Variants in DENND1B observed in about 807,000 individuals in gnomAD.
DENND1B encodes the protein DENN domain-containing protein 1B.
Under a neutral mutation model 90.1 loss-of-function variants are expected in DENND1B, and 59 were observed. The ratio of observed to expected loss-of-function variants is 0.65; its 90% CI spans 0.53 to 0.81. The LOEUF is 0.81. Among genes scored for constraint, DENND1B ranks in the 40% least tolerant of loss-of-function variants. The probability of loss-of-function intolerance (pLI) is 0.00; values close to 1 mark genes in which losing one functional copy is unlikely to be tolerated. For missense variants in DENND1B, 862 were observed against 912.6 expected, an observed-to-expected ratio of 0.94 and a Z score of 0.71; for synonymous variants, 337 against 324.6, an observed-to-expected ratio of 1.04 and a Z score of -0.41.
intron 15 of DENND1B, 71 bp downstream of exon 15, chr1:197,583,081 T>C: frequency 7.1e-7 from 1 of 1,400,482 alleles, no homozygotes; most frequent in Non-Finnish European, 1.0e-6. Flanking sequence ...GTACATAGTT[T>C]TATAGTAATA....
rs77167478 is a variant in DENND1B, at chr1:197,749,459, A to C, written c.82+23409T>G. The stretch of plus-strand genomic sequence containing the variant: ...GATTAAAAACTTCTGCTTAGGTATC[A>C]TCAAAAACTATGCAAGCCAGAAGAC... On this transcript the variant is annotated intron_variant, in intron 2 of 22. Coordinates refer to ENST00000620048, the MANE Select transcript of DENND1B (RefSeq NM_001195215.2). Among the ~76,000 whole-genome samples, 104 of 152,278 alleles carry C rather than the reference A, an allele frequency of 6.8e-4. No homozygotes were observed. In the East Asian group the frequency reaches 0.02, roughly 29 times the overall value.
rs375178512 is a variant in DENND1B at position 197,571,323 on chromosome 1, G to C, written c.1149+11829C>G. On this transcript the variant is annotated intron_variant, in intron 15 of 22. Coordinates refer to ENST00000620048, the MANE Select transcript of DENND1B (RefSeq NM_001195215.2). ...AAACTCCTTATGCCTTCAAAGCCTT[G>C]TATGATCTGTCCCTTTTATGCCATT... Among the ~76,000 whole-genome samples, 6 of 152,280 alleles carry C rather than the reference G, an allele frequency of 3.9e-5. No homozygotes were observed. The East Asian group carries it at 9.6e-4, about 24-fold the overall frequency.
At chr1:197,750,889 A>AC (rs1193560982) in intron 2 of DENND1B, among the ~76,000 whole-genome samples, 2 of 152,198 alleles carry the variant, frequency 1.3e-5, no homozygotes, top group Admixed American at 6.5e-5. Flanking sequence ...CATAAAGAAG[A>AC]CATAATAGTT....
At chr1:197,685,050 A>G (rs952110173) in intron 3 of DENND1B, among the ~76,000 whole-genome samples, 20 of 152,050 alleles carry the variant, frequency 1.3e-4, no homozygotes, top group African/African-American at 4.8e-4. Context: ...CCCAGGGGGC[A>G]GAGGTTGCAG....
intron 10 of DENND1B, among the ~76,000 whole-genome samples, chr1:197,625,757 A>G (rs771803045): frequency 5.5e-4 from 84 of 152,292 alleles, no homozygotes; most frequent in Non-Finnish European, 9.1e-4. Context: ...AGTGTGCTGT[A>G]TTCAGGAAAC....
intron 6 of DENND1B, among the ~76,000 whole-genome samples, chr1:197,655,526 C>G (rs1329073197): frequency 2.0e-5 from 3 of 151,344 alleles, no homozygotes; most frequent in Non-Finnish European, 4.4e-5. Flanking sequence ...AAGATAGCTA[C>G]ATTAACTTTT....
At chr1:197,650,623 C>G (rs1653031009) in intron 7 of DENND1B, among the ~76,000 whole-genome samples, 1 of 152,088 alleles carries the variant, frequency 6.6e-6, no homozygotes, top group Admixed American at 6.5e-5. Flanking sequence ...CCCAAATGCC[C>G]AGTAATCAAC....
chr1:197,731,180 CAG>C (rs1662113872), intron 2 of DENND1B, among the ~76,000 whole-genome samples: 1 of 151,952 alleles, frequency 6.6e-6, no homozygotes, highest in Non-Finnish European at 1.5e-5. Context: ...AGGATTAAAA[CAG>C]ATTAGCAAAG....
chr1:197,595,402 A>AG, intron 13 of DENND1B, 69 bp from the exon 14 acceptor site: 2 of 1,574,408 alleles, frequency 1.3e-6, no homozygotes, highest in Non-Finnish European at 1.7e-6. Context: ...GAACCCAATC[A>AG]GCAGGCAAAC....
chr1:197,512,780 A>T (rs1216986184), intron 21 of DENND1B, 91 bp downstream of exon 21: 4 of 1,155,188 alleles, frequency 3.5e-6, no homozygotes, highest in Non-Finnish European at 5.0e-6. Context: ...CTGAGCTCTA[A>T]GAGTGCATAC....
intron 3 of DENND1B, among the ~76,000 whole-genome samples, chr1:197,679,293 A>T (rs1656411721): frequency 6.7e-6 from 1 of 148,412 alleles, no homozygotes; most frequent in Admixed American, 6.7e-5. Flanking sequence ...GACATTACCA[A>T]AAAAAAAAAA....
intron 3 of DENND1B, among the ~76,000 whole-genome samples, chr1:197,676,854 A>C (rs985130488): frequency 6.6e-6 from 1 of 152,146 alleles, no homozygotes; most frequent in Admixed American, 6.6e-5. Context: ...TCTAGTAATA[A>C]GCATTACAAT....
At chr1:197,637,258 G>C (rs993042319) in intron 10 of DENND1B, among the ~76,000 whole-genome samples, 11 of 151,992 alleles carry the variant, frequency 7.2e-5, no homozygotes, top group African/African-American at 2.7e-4. Context: ...AAAATGCTTG[G>C]TAAACTGAAA....
intron 9 of DENND1B, among the ~76,000 whole-genome samples, chr1:197,644,780 A>T (rs1680587287): frequency 6.6e-6 from 1 of 152,202 alleles, no homozygotes; most frequent in Admixed American, 6.6e-5. Flanking sequence ...GACTTCCTTC[A>T]CTACCTACAT....
At chr1:197,618,196 C>T (rs1677832546) in intron 10 of DENND1B, among the ~76,000 whole-genome samples, 1 of 150,958 alleles carries the variant, frequency 6.6e-6, no homozygotes, top group South Asian at 2.1e-4. Context: ...GGCAAATTGC[C>T]AAAGAATGAA....
chr1:197,576,208 G>A (rs1176312768), intron 15 of DENND1B, among the ~76,000 whole-genome samples: 1 of 152,186 alleles, frequency 6.6e-6, no homozygotes, highest in Non-Finnish European at 1.5e-5. Flanking sequence ...AATACTGATG[G>A]TGTAGTATGG....
chr1:197,635,797 C>T (rs190804801), intron 10 of DENND1B, among the ~76,000 whole-genome samples: 3 of 152,090 alleles, frequency 2.0e-5, no homozygotes, highest in East Asian at 3.9e-4. Flanking sequence ...GTAAAGCAAA[C>T]CAGATTTTGA....
Position 197,608,954 on chromosome 1 carries a change from A to C in DENND1B, c.820-1780T>G, listed in dbSNP as rs549010767. Reference sequence around the variant, plus strand: ...ATAATTCTATTAATACATTAACAAAAAAGGAAAAAATAGAGTGTAACAAAT... The same window carrying C: ...ATAATTCTATTAATACATTAACAAACAAGGAAAAAATAGAGTGTAACAAAT... On this transcript the variant is annotated intron_variant, in intron 12 of 22. Coordinates refer to ENST00000620048, the MANE Select transcript of DENND1B (RefSeq NM_001195215.2). Among the ~76,000 whole-genome samples the C allele has an allele frequency of 6.8e-4, 102 of 150,730 alleles. 2 individuals carry two copies. Among genetic ancestry groups the C allele is most frequent in the Admixed American group, 5.7e-3 (86 of 15,074 alleles).
intron 16 of DENND1B, 116 bp from the exon 17 acceptor site, chr1:197,546,889 T>C: frequency 1.3e-6 from 1 of 761,578 alleles, no homozygotes; most frequent in Non-Finnish European, 2.1e-6. Context: ...TTATATGCAA[T>C]GTTGAAAAGT....
Sources: allele counts gnomAD v4.1 joint callset (sites outside exome capture counted in the v4.1 genomes callset), GRCh38; gene constraint gnomAD v4.1.1; transcripts MANE v1.5; gene names NCBI Gene and HGNC (gene_info 2026-07-23, HGNC 2026-07-21).